Variants in MUC13 observed in about 807,000 individuals in gnomAD.
MUC13 encodes mucin 13, cell surface associated.
In MUC13, 32 loss-of-function variants were observed where a neutral mutation model predicts 48.3. The observed-to-expected ratio is 0.66, with a 90% CI of 0.50 to 0.89. The LOEUF (loss-of-function observed/expected upper bound fraction) is 0.89, where lower values mean the gene tolerates loss of function less well. MUC13 is among the 40% of genes least tolerant of loss of function. The probability of loss-of-function intolerance (pLI) is 0.00; values close to 1 mark genes in which losing one functional copy is unlikely to be tolerated. For synonymous variants in MUC13, 199 were observed against 224.9 expected (o/e 0.88, Z 1.03); for missense variants, 571 against 622.8 (o/e 0.92, Z 0.88).
intron 1 of MUC13, among the ~76,000 whole-genome samples, chr3:124,932,678 G>A (rs1935818265): frequency 6.6e-6 from 1 of 152,070 alleles, no homozygotes; most frequent in South Asian, 2.1e-4. Flanking sequence ...GGCACATCAG[G>A]CTCTTTGTCT....
Position 124,906,898 on chromosome 3 carries a change from C to T in MUC13, c.*1-156G>A, listed in dbSNP as rs117677121. Among the ~76,000 whole-genome samples the T allele has an allele frequency of 9.1e-4, 139 of 152,280 alleles. 2 individuals carry two copies. The East Asian group carries it at 0.019, about 21-fold the overall frequency. ...CATATTCTCCCTATCATTTCTCTCA[C>T]GTCTCTTCCATTCCCCATCTCTTTC... On this transcript the variant is annotated intron_variant, in intron 11 of 11. Coordinates refer to ENST00000616727, the MANE Select transcript of MUC13 (RefSeq NM_033049.4).
At chr3:124,913,063 T>G in intron 8 of MUC13, 48 bp downstream of exon 8, 1 of 1,601,000 alleles carries the variant, frequency 6.2e-7, no homozygotes, top group African/African-American at 1.3e-5. Context: ...CTCTCTACTT[T>G]GCCTAGCTCC....
chr3:124,913,246 A>G lies in MUC13; in HGVS notation c.1085-6T>C. 1 of 1,604,720 alleles carries G rather than the reference A, an allele frequency of 6.2e-7. No individual in the cohort carries two copies. The highest frequency in any genetic ancestry group is 8.5e-7 in the Non-Finnish European group (1 of 1,175,036). On this transcript the variant is annotated splice_polypyrimidine_tract_variant and splice_region_variant and intron_variant, in intron 7 of 11. Coordinates refer to ENST00000616727, the MANE Select transcript of MUC13 (RefSeq NM_033049.4). The stretch of plus-strand genomic sequence containing the variant: ...AGGACACTTGAGACTGGAAGCTTCA[A>G]AACAGAATGATTTCTGGGTAATTTT...
intron 5 of MUC13, among the ~76,000 whole-genome samples, chr3:124,916,836 C>T (rs965503756): frequency 2.0e-5 from 3 of 152,142 alleles, no homozygotes; most frequent in Non-Finnish European, 4.4e-5. Flanking sequence ...GGGAAATTGT[C>T]ACTTTCTGTA....
chr3:124,921,317 A>C (rs1935590487), intron 4 of MUC13, among the ~76,000 whole-genome samples: 1 of 151,728 alleles, frequency 6.6e-6, no homozygotes. Context: ...GCCTGGCTAA[A>C]TTTTTGTATT....
At chr3:124,920,786 C>G (rs926839317) in intron 4 of MUC13, among the ~76,000 whole-genome samples, 18 of 152,224 alleles carry the variant, frequency 1.2e-4, no homozygotes, top group Non-Finnish European at 2.5e-4. Context: ...TCAGGGGTTC[C>G]CTGGAAGTAG....
At chr3:124,917,951 G>A (rs72976424) in intron 5 of MUC13, among the ~76,000 whole-genome samples, 136 of 152,214 alleles carry the variant, frequency 8.9e-4, no homozygotes, top group African/African-American at 3.1e-3. Context: ...GAGGCAAGAC[G>A]TTACACCTGT....
At chr3:124,918,396 C>T (rs957317378) in intron 5 of MUC13, among the ~76,000 whole-genome samples, 1 of 152,218 alleles carries the variant, frequency 6.6e-6, no homozygotes, top group Non-Finnish European at 1.5e-5. Flanking sequence ...CTTTTAGTAA[C>T]TCCTTAAGAA....
intron 5 of MUC13, among the ~76,000 whole-genome samples, chr3:124,917,851 T>C (rs1303659483): frequency 6.6e-6 from 1 of 152,158 alleles, no homozygotes; most frequent in African/African-American, 2.4e-5. Context: ...TTGAAATATA[T>C]GGCATAGCTT....
At chr3:124,911,938 G>A (rs1935426835) in intron 9 of MUC13, among the ~76,000 whole-genome samples, 166 bp downstream of exon 9, 1 of 152,182 alleles carries the variant, frequency 6.6e-6, no homozygotes, top group Non-Finnish European at 1.5e-5. Context: ...ACCTAAGGGT[G>A]GGCATGGCAT....
intron 2 of MUC13, among the ~76,000 whole-genome samples, chr3:124,926,168 C>A (rs548727581): frequency 1.3e-5 from 2 of 152,248 alleles, no homozygotes; most frequent in Admixed American, 1.3e-4. Context: ...TCTTCAGCAA[C>A]GAAGGACAGA....
At chr3:124,908,107 A>C (rs1935347913) in intron 11 of MUC13, 40 bp downstream of exon 11, 1 of 1,605,250 alleles carries the variant, frequency 6.2e-7, no homozygotes, top group African/African-American at 1.3e-5. Flanking sequence ...GCCCTGGTGC[A>C]TTCACTCCCA....
intron 1 of MUC13, among the ~76,000 whole-genome samples, chr3:124,928,505 A>G (rs370586276): frequency 2.6e-5 from 4 of 152,164 alleles, no homozygotes; most frequent in Admixed American, 6.5e-5. Context: ...CAGCCTCCCA[A>G]ATAGCTAGGA....
rs1489362472 is a variant in MUC13 at position 124,934,743 on chromosome 3, G to C, written c.-31C>G. The C allele has an allele frequency of 6.4e-7, 1 of 1,561,034 alleles. No homozygotes were observed. Among genetic ancestry groups the C allele is most frequent in the Non-Finnish European group, 8.8e-7 (1 of 1,132,890 alleles). Reference sequence around the variant, plus strand: ...CTGTTCTTGCTTGGTAATCTGAGGAGGAAATGATTTCCCTTCCTGGCTACC... The same window carrying C: ...CTGTTCTTGCTTGGTAATCTGAGGACGAAATGATTTCCCTTCCTGGCTACC... On this transcript the variant is annotated 5_prime_UTR_variant, in exon 1 of 12. Transcript: ENST00000616727.
At chr3:124,933,589 A>G (rs971616876) in intron 1 of MUC13, among the ~76,000 whole-genome samples, 1 of 152,186 alleles carries the variant, frequency 6.6e-6, no homozygotes, top group Non-Finnish European at 1.5e-5. Context: ...ATTCTCCCTA[A>G]TAATCATTTA....
At position 124,927,517 on chromosome 3, in the gene MUC13, G is replaced by C; in HGVS notation, c.514+15C>G. 1.9e-6 allele frequency: 3 copies of C among 1,609,708 alleles called. No homozygotes were observed. The highest frequency in any genetic ancestry group is 2.5e-6 in the Non-Finnish European group (3 of 1,176,780). On this transcript the variant is annotated intron_variant, in intron 2 of 11. Coordinates refer to ENST00000616727, the MANE Select transcript of MUC13 (RefSeq NM_033049.4). Reference sequence around the variant, plus strand: ...CTCTCCATCCTTGGGGAGTCTTTGAGGGAATTGTCCTTACCTGTGCTGTTT... The same window carrying C: ...CTCTCCATCCTTGGGGAGTCTTTGACGGAATTGTCCTTACCTGTGCTGTTT...
intron 4 of MUC13, 133 bp from the exon 5 acceptor site, chr3:124,920,422 C>T (rs1320312954): frequency 5.8e-6 from 4 of 684,188 alleles, no homozygotes; most frequent in African/African-American, 1.8e-5. Flanking sequence ...AAAATGGACC[C>T]TGGGAGACTT....
In MUC13 at chr3:124,908,151, T is replaced by G. The variant is rs780445502; in HGVS notation, c.1535A>C (p.Tyr512Ser). 6.2e-6 allele frequency: 10 copies of G among 1,613,968 alleles called. No homozygotes were observed. The highest frequency in any genetic ancestry group is 1.6e-4 in the Middle Eastern group (1 of 6,082). ...SRHSSMPRPDY is the reference protein window; with the variant it reads ...SRHSSMPRPDS ...AGAAAAAGCCCACTGACTCACCTAA[T>G]AGTCAGGGCGGGGCATGCTGCTGTG... The change falls in exon 11 of 12, where the codon TAT (tyrosine) becomes TCT (serine). Residue 512 changes from tyrosine (Y) to serine (S), a missense_variant. Physicochemically the swap from Tyr to Ser is moderately radical, Grantham distance 144. Transcript: ENST00000616727.
chr3:124,914,149 C>A (rs1371676358), intron 6 of MUC13, among the ~76,000 whole-genome samples: 3 of 151,896 alleles, frequency 2.0e-5, no homozygotes, highest in African/African-American at 7.3e-5. Flanking sequence ...TGGTGGCTCA[C>A]GTCTGTAATC....
Sources: gnomAD v4.1 joint callset for allele counts (sites outside exome capture counted in the v4.1 genomes callset) on GRCh38, gnomAD v4.1.1 for gene constraint, MANE v1.5 for transcripts, NCBI Gene and HGNC (gene_info 2026-07-23, HGNC 2026-07-21) for gene names.